The following RECQL variants were observed in gnomAD, a reference collection of about 807,000 sequenced individuals.
The protein encoded by RECQL is RecQ like helicase.
RECQL carries 73 observed loss-of-function variants against 75.8 expected under a neutral mutation model. That is an observed-to-expected ratio of 0.96 (90% CI 0.80 to 1.17). RECQL has a LOEUF of 1.17. Ranked by LOEUF, RECQL falls within the 50% of genes most tolerant of loss-of-function variation. The probability of loss-of-function intolerance (pLI) is 0.00; values close to 1 mark genes in which losing one functional copy is unlikely to be tolerated. For synonymous variants in RECQL, 248 were observed against 254.4 expected (o/e 0.97, Z 0.24); for missense variants, 699 against 772.1 (o/e 0.91, Z 1.12).
At chr12:21,492,582 T>A (rs926609168) in intron 2 of RECQL, among the ~76,000 whole-genome samples, 3 of 152,204 alleles carry the variant, frequency 2.0e-5, no homozygotes, top group Non-Finnish European at 2.9e-5. Context: ...TACATGACTT[T>A]GGGTTAGGTT....
chr12:21,483,478 A>G lies in RECQL; in HGVS notation c.598T>C (p.Phe200Leu). ...TAGGCTTTCTCTAGTCTTGACATAAACATTTTGCTTTTTGCAATTTTCTCT... is the reference window on the plus strand; with the variant it reads ...TAGGCTTTCTCTAGTCTTGACATAAGCATTTTGCTTTTTGCAATTTTCTCT... ...TPEKIAKSKM[F>L]MSRLEKAYEA... Residue 200 changes from phenylalanine to leucine, a missense_variant, in exon 6 of 15, where the codon TTT (phenylalanine) becomes CTT (leucine). Around this residue, in one of 2 missense-constraint regions of RECQL, gnomAD observed 669 missense variants for 713.5 expected, o/e 0.94. Transcript: ENST00000444129. 6.3e-7 allele frequency: 1 copy of G among 1,589,988 alleles called. No homozygotes were observed. Among genetic ancestry groups the G allele is most frequent in the Non-Finnish European group, 8.5e-7 (1 of 1,173,730 alleles).
At chr12:21,477,127 G>C (rs1189815348) in intron 7 of RECQL, 135 bp from the exon 8 acceptor site, 1 of 547,664 alleles carries the variant, frequency 1.8e-6, no homozygotes, top group Non-Finnish European at 3.1e-6. Context: ...TTACTCACAG[G>C]ATTCAACCCA....
chr12:21,474,999 G>C lies in RECQL; in HGVS notation c.1217-20C>G, dbSNP rs775392724. ...CTCGACCTGTGGTGTGAGAAACCTT[G>C]AGATTGCAGAATTACATTTACAAAT... On this transcript the variant is annotated intron_variant, in intron 10 of 14. Transcript: ENST00000444129. 4 of 1,601,920 alleles carry C rather than the reference G, an allele frequency of 2.5e-6. No individual in the cohort carries two copies. The highest frequency in any genetic ancestry group is 1.7e-6 in the Non-Finnish European group (2 of 1,172,852).
At position 21,471,514 on chromosome 12, in the gene RECQL, C is replaced by G. The variant is rs774747023; in HGVS notation, c.1581G>C (p.Leu527=). The G allele has an allele frequency of 1.9e-6, 3 of 1,612,854 alleles. No individual in the cohort carries two copies. Among genetic ancestry groups the G allele is most frequent in the Non-Finnish European group, 2.5e-6 (3 of 1,179,358 alleles). ...DSWMGKGAAK[L]RVAGVVAPTL... ...TGGGAGCCACAACACCTGCTACTCTCAGTTTTGCTGCACCCTTTCCCATCC... is the reference window on the plus strand; with the variant it reads ...TGGGAGCCACAACACCTGCTACTCTGAGTTTTGCTGCACCCTTTCCCATCC... The change falls in exon 13 of 15, where the codon CTG becomes CTC. Residue 527 remains leucine (L), a synonymous_variant. Coordinates refer to ENST00000444129, the MANE Select transcript of RECQL (RefSeq NM_002907.4).
chr12:21,479,642 C>T (rs1431902396), intron 6 of RECQL, among the ~76,000 whole-genome samples: 8 of 152,176 alleles, frequency 5.3e-5, no homozygotes, highest in African/African-American at 1.2e-4. Flanking sequence ...CGTGAGCCAC[C>T]GCACCGAGCC....
chr12:21,501,612 CGCCA>C lies in RECQL; in HGVS notation c.-492_-489del, dbSNP rs1161368679. 13 of 394,766 alleles carry C rather than the reference CGCCA, an allele frequency of 3.3e-5. No homozygotes were observed. Among genetic ancestry groups the C allele is most frequent in the Non-Finnish European group, 5.6e-5 (12 of 215,020 alleles). The allele number at this position is 394,766 out of a possible 1,614,324, so 24.5% of individuals were successfully genotyped here. A position where few individuals can be genotyped will look rare whatever the true frequency, so the allele number is the denominator to read the frequency against. ...CCGCTACTCGGGAGTAAAATCTTCCCGCCAGCCAGCTGAGAGCATCCACCCTTCC... is the reference window on the plus strand; with the variant it reads ...CCGCTACTCGGGAGTAAAATCTTCCCGCCAGCTGAGAGCATCCACCCTTCC... On this transcript the variant is annotated 5_prime_UTR_variant, in exon 1 of 15. It removes the in-frame stop codon of an upstream open reading frame in the 5' UTR. Transcript: ENST00000444129.
chr12:21,482,480 T>G (rs1489722249), intron 6 of RECQL, among the ~76,000 whole-genome samples: 3 of 152,052 alleles, frequency 2.0e-5, no homozygotes, highest in Non-Finnish European at 4.4e-5. Context: ...AAAAGCTGAA[T>G]GGAGTTATGC....
intron 5 of RECQL, among the ~76,000 whole-genome samples, chr12:21,484,262 CA>C (rs1943247639): frequency 6.6e-6 from 1 of 152,034 alleles, no homozygotes; most frequent in African/African-American, 2.4e-5. Flanking sequence ...AAGAGACAGT[CA>C]AACTACTTTC....
At chr12:21,486,687 T>TTTTTTTTTTA in intron 4 of RECQL, 102 bp from the exon 5 acceptor site, 2 of 737,782 alleles carry the variant, frequency 2.7e-6, no homozygotes, top group African/African-American at 4.3e-5. Context: ...TTTTTTTTTT[T>TTTTTTTTTTA]AGAGATGGAG....
At chr12:21,493,620 G>A (rs1289758795) in intron 2 of RECQL, among the ~76,000 whole-genome samples, 1 of 152,182 alleles carries the variant, frequency 6.6e-6, no homozygotes, top group Non-Finnish European at 1.5e-5. Flanking sequence ...TGACTGGGAA[G>A]GAGACTGAAA....
At chr12:21,495,527 G>A (rs549738269) in intron 2 of RECQL, among the ~76,000 whole-genome samples, 41 of 152,090 alleles carry the variant, frequency 2.7e-4, no homozygotes, top group South Asian at 6.2e-4. Context: ...ACCCGGGAGC[G>A]GAGCTTGGAG....
intron 2 of RECQL, 141 bp from the exon 3 acceptor site, chr12:21,491,857 T>A: frequency 1.3e-6 from 1 of 755,076 alleles, no homozygotes; most frequent in East Asian, 2.7e-5. Context: ...GAGCATGTTT[T>A]TGAGTCATAT....
chr12:21,499,616 C>A lies in RECQL; in HGVS notation c.-45-1G>T, dbSNP rs756434860. 2.0e-6 allele frequency: 3 copies of A among 1,531,806 alleles called. No individual in the cohort carries two copies. In the South Asian group the frequency reaches 3.5e-5, roughly 18 times the overall value. The allele number at this position is 1,531,806 out of a possible 1,614,324, so 94.9% of individuals were successfully genotyped here. A position where few individuals can be genotyped will look rare whatever the true frequency, so the allele number is the denominator to read the frequency against. ...TTTCTAAAATAATCCAAATTTCTTT[C>A]TAAAAATAAAAGCACAACAGTGACA... On this transcript the variant is annotated splice_acceptor_variant, in intron 1 of 14. Transcript: ENST00000444129. LOFTEE classifies it low-confidence loss of function (5UTR_SPLICE).
At chr12:21,489,241 A>T (rs1336650295) in intron 4 of RECQL, among the ~76,000 whole-genome samples, 1 of 152,220 alleles carries the variant, frequency 6.6e-6, no homozygotes, top group Non-Finnish European at 1.5e-5. Context: ...AGCTACACCC[A>T]TGTGTTTACA....
chr12:21,483,488 T>C lies in RECQL; in HGVS notation c.588A>G (p.Lys196=). 3 of 1,587,662 alleles carry C rather than the reference T, an allele frequency of 1.9e-6. No individual in the cohort carries two copies. The East Asian group carries it at 6.8e-5, about 36-fold the overall frequency. The change falls in exon 6 of 15, where the codon AAA becomes AAG. Residue 196 remains lysine, a synonymous_variant. Coordinates refer to ENST00000444129, the MANE Select transcript of RECQL (RefSeq NM_002907.4). The part of the protein sequence containing the change: ...LIYVTPEKIA[K]SKMFMSRLEK... The stretch of plus-strand genomic sequence containing the variant: ...CTAGTCTTGACATAAACATTTTGCT[T>C]TTTGCAATTTTCTCTGGAGTCACAT...
intron 6 of RECQL, among the ~76,000 whole-genome samples, 189 bp from the exon 7 acceptor site, chr12:21,478,158 C>T (rs1432534714): frequency 6.6e-6 from 1 of 152,140 alleles, no homozygotes; most frequent in African/African-American, 2.4e-5. Flanking sequence ...TCAGACATTA[C>T]TCTTGGTCAC....
At chr12:21,489,718 G>A (rs1019028205) in intron 4 of RECQL, among the ~76,000 whole-genome samples, 3 of 152,144 alleles carry the variant, frequency 2.0e-5, no homozygotes, top group Admixed American at 2.0e-4. Flanking sequence ...GTGTTCTATA[G>A]CACTGTAGGG....
chr12:21,495,046 C>A (rs7955484), intron 2 of RECQL, among the ~76,000 whole-genome samples: 1 of 152,172 alleles, frequency 6.6e-6, no homozygotes, highest in Non-Finnish European at 1.5e-5. Flanking sequence ...GTCCCTGAAA[C>A]GGAAATAGAT....
At position 21,475,480 on chromosome 12, in the gene RECQL, T is replaced by C. The variant is rs1349973500; in HGVS notation, c.1204A>G (p.Ser402Gly). Reference sequence around the variant, plus strand: ...GAGTCCTACATACCTGCACGTCCACTCTCTTGGTAATAATTTTCCATGGAT... The same window carrying C: ...GAGTCCTACATACCTGCACGTCCACCCTCTTGGTAATAATTTTCCATGGAT... ...SKSMENYYQE[S>G]GRAGRDDMKA... Residue 402 changes from serine to glycine, a missense_variant, in exon 10 of 15, where the codon AGT becomes GGT. Coordinates refer to ENST00000444129, the MANE Select transcript of RECQL (RefSeq NM_002907.4). 2 of 1,608,614 alleles carry C rather than the reference T, an allele frequency of 1.2e-6. No homozygotes were observed. The highest frequency in any genetic ancestry group is 1.3e-5 in the African/African-American group (1 of 74,888).
Sources: gnomAD v4.1 joint callset for allele counts (sites outside exome capture counted in the v4.1 genomes callset) on GRCh38, gnomAD v4.1.1 for gene constraint, gnomAD v4.1.1 regional missense constraint, MANE v1.5 for transcripts, NCBI Gene and HGNC (gene_info 2026-07-23, HGNC 2026-07-21) for gene names.